NYAP2: variants seen among roughly 807,000 people sequenced by gnomAD.
NYAP2 encodes neuronal tyrosine-phosphorylated phosphoinositide-3-kinase adaptor 2, also known as neuronal tyrosine-phosphorylated phosphoinositide-3-kinase adapter 2.
In NYAP2, 23 loss-of-function variants were observed where a neutral mutation model predicts 50.4. The observed-to-expected ratio is 0.46, with a 90% CI of 0.33 to 0.65. The LOEUF is 0.65. Among genes scored for constraint, NYAP2 ranks in the 30% least tolerant of loss-of-function variants. NYAP2 has a pLI of 0.02. For missense variants in NYAP2, 885 were observed against 861.0 expected, an observed-to-expected ratio of 1.03 and a Z score of -0.35; for synonymous variants, 394 against 365.2, an observed-to-expected ratio of 1.08 and a Z score of -0.90.
chr2:225,666,444 A>G, the NYAP2 span, among the ~76,000 whole-genome samples: 1 of 152,158 alleles, frequency 6.6e-6, no homozygotes, highest in African/African-American at 2.4e-5. Context: ...GCTTGCTTTT[A>G]TACATTTTAG....
intron 5 of NYAP2, among the ~76,000 whole-genome samples, chr2:225,615,679 T>A (rs1173359333): frequency 6.6e-6 from 1 of 152,194 alleles, no homozygotes; most frequent in Non-Finnish European, 1.5e-5. Context: ...CTGGTCACCA[T>A]GACCTGTATT....
chr2:225,611,972 C>A (rs191240098), intron 5 of NYAP2, among the ~76,000 whole-genome samples: 1 of 150,026 alleles, frequency 6.7e-6, no homozygotes, highest in African/African-American at 2.5e-5. Flanking sequence ...AAAAATCAAT[C>A]CAAAAAAATT....
chr2:225,563,883 G>C (rs1434724321), intron 4 of NYAP2, among the ~76,000 whole-genome samples: 1 of 152,072 alleles, frequency 6.6e-6, no homozygotes, highest in Non-Finnish European at 1.5e-5. Context: ...CTTTGAGTTA[G>C]ATGTTTAAGG....
chr2:225,615,001 G>A (rs1692963611), intron 5 of NYAP2, among the ~76,000 whole-genome samples: 1 of 152,170 alleles, frequency 6.6e-6, no homozygotes, highest in Non-Finnish European at 1.5e-5. Context: ...GGGTGTGACA[G>A]CCTCTAAAAT....
At chr2:225,456,555 T>G (rs899344079) in intron 3 of NYAP2, among the ~76,000 whole-genome samples, 1 of 152,150 alleles carries the variant, frequency 6.6e-6, no homozygotes, top group African/African-American at 2.4e-5. Flanking sequence ...GCTTCTCTCT[T>G]ATAGACTGAG....
intron 4 of NYAP2, among the ~76,000 whole-genome samples, chr2:225,534,002 A>G (rs1215514630): frequency 6.6e-6 from 1 of 152,216 alleles, no homozygotes; most frequent in Non-Finnish European, 1.5e-5. Flanking sequence ...TCTTTGTTTT[A>G]GCAATATGAG....
chr2:225,588,732 A>G (rs1417164280), intron 5 of NYAP2, among the ~76,000 whole-genome samples: 3 of 152,164 alleles, frequency 2.0e-5, no homozygotes, highest in South Asian at 2.1e-4. Context: ...ACTCAGGGTC[A>G]TTGTTGTGAT....
At chr2:225,498,942 T>C (rs1690553425) in intron 3 of NYAP2, among the ~76,000 whole-genome samples, 2 of 152,302 alleles carry the variant, frequency 1.3e-5, no homozygotes, top group Middle Eastern at 3.4e-3. Flanking sequence ...CAGTATTTTG[T>C]TGAGAGGGCG....
At chr2:225,563,707 A>T (rs1691912939) in intron 4 of NYAP2, among the ~76,000 whole-genome samples, 1 of 152,190 alleles carries the variant, frequency 6.6e-6, no homozygotes, top group Non-Finnish European at 1.5e-5. Flanking sequence ...GCATATATGC[A>T]TGCATACACA....
chr2:225,584,954 G>A lies in NYAP2; in HGVS notation c.1618+1919G>A, dbSNP rs1345532934. Among the ~76,000 whole-genome samples, 8 of 152,158 alleles carry A rather than the reference G, an allele frequency of 5.3e-5. No homozygotes were observed. In the East Asian group the frequency reaches 1.2e-3, roughly 22 times the overall value. On this transcript the variant is annotated intron_variant, in intron 5 of 6. Transcript: ENST00000636099. ...TTGGCAATATCTAGAGATGTTATTGGTTGTTACTACAGGGGGTGTTACTGA... is the reference window on the plus strand; with the variant it reads ...TTGGCAATATCTAGAGATGTTATTGATTGTTACTACAGGGGGTGTTACTGA...
intron 5 of NYAP2, among the ~76,000 whole-genome samples, chr2:225,591,380 T>A (rs1692499584): frequency 2.0e-5 from 3 of 152,102 alleles, no homozygotes; most frequent in Admixed American, 2.0e-4. Context: ...TCTTACAAAG[T>A]GCCTTGGGCT....
At chr2:225,460,865 C>A (rs1438263435) in intron 3 of NYAP2, among the ~76,000 whole-genome samples, 1 of 151,778 alleles carries the variant, frequency 6.6e-6, no homozygotes, top group East Asian at 1.9e-4. Context: ...TGGTGGCAGG[C>A]ACCTGTAGGC....
chr2:225,512,778 T>TTTTCCCTC (rs1242812397), intron 3 of NYAP2, among the ~76,000 whole-genome samples: 4 of 143,448 alleles, frequency 2.8e-5, no homozygotes, highest in Non-Finnish European at 4.5e-5. Context: ...CTTTTTCTCT[T>TTTTCCCTC]TTTCCCTCTT....
At chr2:225,660,441 AT>A in the NYAP2 span, among the ~76,000 whole-genome samples, 6,406 of 133,950 alleles carry the variant, frequency 0.048, 269 homozygotes, top group African/African-American at 0.13. Context: ...CACAGGATAC[AT>A]TTTTTTTTTT....
intron 5 of NYAP2, among the ~76,000 whole-genome samples, chr2:225,597,828 T>C (rs1159016275): frequency 7.2e-5 from 11 of 151,892 alleles, no homozygotes; most frequent in Admixed American, 7.2e-4. Context: ...TTCATTGCTA[T>C]GCAACTATAA....
intron 4 of NYAP2, among the ~76,000 whole-genome samples, chr2:225,552,106 C>T (rs901190711): frequency 3.3e-5 from 5 of 152,166 alleles, no homozygotes; most frequent in African/African-American, 1.2e-4. Flanking sequence ...AGCCACTGCA[C>T]CTGGCACTTC....
chr2:225,639,672 C>T (rs899496400), intron 6 of NYAP2, among the ~76,000 whole-genome samples: 2 of 152,114 alleles, frequency 1.3e-5, no homozygotes, highest in South Asian at 2.1e-4. Context: ...TATTCACATT[C>T]GCTTATTCTT....
intron 3 of NYAP2, among the ~76,000 whole-genome samples, chr2:225,467,345 C>T (rs1189325014): frequency 1.3e-5 from 2 of 152,180 alleles, no homozygotes; most frequent in African/African-American, 4.8e-5. Flanking sequence ...TCACCCCTTG[C>T]ACCAGCTGCA....
chr2:225,475,507 A>G (rs1223063980), intron 3 of NYAP2, among the ~76,000 whole-genome samples: 1 of 152,208 alleles, frequency 6.6e-6, no homozygotes, highest in Non-Finnish European at 1.5e-5. Flanking sequence ...GTAGGGAAAA[A>G]CAATTATATT....
Sources: gnomAD v4.1 joint callset for allele counts (sites outside exome capture counted in the v4.1 genomes callset) on GRCh38, gnomAD v4.1.1 for gene constraint, MANE v1.5 for transcripts, NCBI Gene and HGNC (gene_info 2026-07-23, HGNC 2026-07-21) for gene names.